Variants in TSHR observed in about 807,000 individuals in gnomAD.
TSHR encodes thyrotropin receptor.
A neutral mutation model predicts 64.1 loss-of-function variants in TSHR; 51 were observed. The observed-to-expected ratio is 0.80, with a 90% CI of 0.64 to 1.01. The LOEUF is 1.01. Ranked by LOEUF, TSHR falls within the 50% of genes least tolerant of loss-of-function variation. The pLI, the probability that TSHR is intolerant of heterozygous loss-of-function variation, is 0.00. For missense variants in TSHR, 877 were observed against 942.8 expected (o/e 0.93, Z 0.91); for synonymous variants, 361 against 361.9 (o/e 1.00, Z 0.03).
chr14:80,993,441 T>C (rs1888849968), intron 1 of TSHR: 1 of 152,192 alleles, frequency 6.6e-6, no homozygotes, highest in African/African-American at 2.4e-5. Context: ...TGCCCAGTAA[T>C]GTTTAGTATT....
At chr14:81,111,276 G>C (rs1890213222) in intron 8 of TSHR, among the ~76,000 whole-genome samples, 1 of 152,196 alleles carries the variant, frequency 6.6e-6, no homozygotes, top group South Asian at 2.1e-4. Context: ...AGTGTGTTTA[G>C]TTGAAGTAGC....
rs141222082 is a variant in TSHR, at chr14:81,144,086, C to T, written c.2028C>T (p.Phe676=). 5 of 1,614,070 alleles carry T rather than the reference C, an allele frequency of 3.1e-6. No individual in the cohort carries two copies. The highest frequency in any genetic ancestry group is 4.2e-6 in the Non-Finnish European group (5 of 1,180,050). The stretch of plus-strand genomic sequence containing the variant: ...CACTTAACTCCTGTGCCAATCCATT[C>T]CTCTATGCTATTTTCACCAAGGCCT... ...FYPLNSCANP[F]LYAIFTKAFQ... is the part of the protein sequence containing the mutation. The change falls in exon 10 of 10, where the codon TTC becomes TTT. Residue 676 remains phenylalanine (F), a synonymous_variant. Transcript: ENST00000298171.
At chr14:80,986,356 T>C (rs1172998951) in intron 1 of TSHR, among the ~76,000 whole-genome samples, 2 of 152,246 alleles carry the variant, frequency 1.3e-5, no homozygotes, top group African/African-American at 2.4e-5. Context: ...CTATTAACTT[T>C]ACAATAAAAT....
chr14:81,100,959 C>T (rs1889541951), intron 7 of TSHR, among the ~76,000 whole-genome samples: 1 of 152,214 alleles, frequency 6.6e-6, no homozygotes. Flanking sequence ...CAGCCCCTGT[C>T]TCCTACCTGA....
In TSHR at chr14:81,135,569, T is replaced by A. The variant is rs542632783; in HGVS notation, c.693-4110T>A. Among the ~76,000 whole-genome samples the A allele has an allele frequency of 3.9e-5, 6 of 152,230 alleles. No homozygotes were observed. In the East Asian group the frequency reaches 1.2e-3, roughly 29 times the overall value. On this transcript the variant is annotated intron_variant, in intron 8 of 9. Coordinates refer to ENST00000298171, the MANE Select transcript of TSHR (RefSeq NM_000369.5). Reference sequence around the variant, plus strand: ...TAGATGTGCAACAGCTGGGCTCACATCTGATTGGGGTGGGGGGTTCTTAGC... The same window carrying A: ...TAGATGTGCAACAGCTGGGCTCACAACTGATTGGGGTGGGGGGTTCTTAGC...
intron 1 of TSHR, chr14:80,995,622 A>G (rs1024090349): frequency 6.6e-6 from 1 of 152,178 alleles, no homozygotes; most frequent in African/African-American, 2.4e-5. Context: ...GTGGGAGTTA[A>G]ATTATGAGAA....
At chr14:80,980,802 TATG>T (rs1232258721) in intron 1 of TSHR, among the ~76,000 whole-genome samples, 6 of 152,232 alleles carry the variant, frequency 3.9e-5, no homozygotes, top group African/African-American at 1.2e-4. Flanking sequence ...TGTTTTCTAA[TATG>T]ATATCTCTCT....
chr14:81,141,485 G>A (rs997474795), intron 9 of TSHR, among the ~76,000 whole-genome samples: 1 of 152,226 alleles, frequency 6.6e-6, no homozygotes, highest in Admixed American at 6.5e-5. Context: ...ATGCCTGTAT[G>A]GTAGTGTCCA....
chr14:81,006,702 A>T (rs1428735423), intron 1 of TSHR, among the ~76,000 whole-genome samples: 1 of 151,954 alleles, frequency 6.6e-6, no homozygotes, highest in Non-Finnish European at 1.5e-5. Flanking sequence ...TTTAGTAGAA[A>T]TGGGGTTTCA....
chr14:81,035,369 C>T (rs550022896), intron 1 of TSHR, among the ~76,000 whole-genome samples: 1 of 152,336 alleles, frequency 6.6e-6, no homozygotes, highest in East Asian at 1.9e-4. Flanking sequence ...CAGGACCTCA[C>T]TGGACAAGTC....
At chr14:81,073,561 C>G (rs1173977685) in intron 3 of TSHR, among the ~76,000 whole-genome samples, 2 of 152,056 alleles carry the variant, frequency 1.3e-5, no homozygotes, top group African/African-American at 4.8e-5. Context: ...CTAAATAACT[C>G]TGATTTCTAA....
chr14:81,056,791 A>G (rs1885838712), intron 1 of TSHR, among the ~76,000 whole-genome samples: 1 of 152,222 alleles, frequency 6.6e-6, no homozygotes, highest in South Asian at 2.1e-4. Context: ...GATTCTGGCC[A>G]GTATGCCATT....
chr14:81,068,440 T>C (rs1478125040), intron 3 of TSHR, 112 bp downstream of exon 3: 1 of 911,534 alleles, frequency 1.1e-6, no homozygotes. Context: ...AGTCAAAACT[T>C]CTGTTTATGA....
chr14:80,998,469 A>C lies in TSHR; in HGVS notation c.170+42619A>C, dbSNP rs186034201. 1.9e-3 allele frequency among the ~76,000 whole-genome samples: 292 copies of C among 152,218 alleles called. 1 individual carries two copies. The highest frequency in any genetic ancestry group is 3.4e-3 in the Middle Eastern group (1 of 294). On this transcript the variant is annotated intron_variant, in intron 1 of 9. Coordinates refer to ENST00000298171, the MANE Select transcript of TSHR (RefSeq NM_000369.5). ...TTACAAAGGAGAAAAACAGACTTCC[A>C]TTATGACCTCTTATGTAATCACACT...
intron 7 of TSHR, chr14:81,105,315 C>T (rs7151769): frequency 0.65 from 553,126 of 844,628 alleles, 181,829 homozygotes; most frequent in South Asian, 0.74. Context: ...ATATGTATTT[C>T]CCCTCCCCAC....
intron 1 of TSHR, among the ~76,000 whole-genome samples, chr14:81,040,907 A>T (rs1227151264): frequency 1.3e-5 from 2 of 152,156 alleles, no homozygotes; most frequent in Non-Finnish European, 2.9e-5. Context: ...TGATCATATG[A>T]AAAAAGGCTC....
intron 3 of TSHR, among the ~76,000 whole-genome samples, chr14:81,084,165 T>C (rs1158605144): frequency 1.3e-5 from 2 of 152,206 alleles, no homozygotes; most frequent in Non-Finnish European, 2.9e-5. Context: ...CTTCCAAAGC[T>C]GAATTTTTCT....
At chr14:81,111,361 G>A (rs962563157) in intron 8 of TSHR, among the ~76,000 whole-genome samples, 4 of 152,204 alleles carry the variant, frequency 2.6e-5, no homozygotes, top group African/African-American at 9.6e-5. Flanking sequence ...CATACGTTGA[G>A]TAGCAGTAGT....
At chr14:81,090,461 G>C (rs1024019448) in intron 4 of TSHR, among the ~76,000 whole-genome samples, 2 of 152,180 alleles carry the variant, frequency 1.3e-5, no homozygotes, top group African/African-American at 4.8e-5. Context: ...GGCTAGTCTT[G>C]AATTCCTGGA....
Sources: allele counts gnomAD v4.1 joint callset (sites outside exome capture counted in the v4.1 genomes callset), GRCh38; gene constraint gnomAD v4.1.1; transcripts MANE v1.5; gene names NCBI Gene and HGNC (gene_info 2026-07-23, HGNC 2026-07-21).